Variants in TECTA observed in about 807,000 individuals in gnomAD.
The protein encoded by TECTA is alpha-tectorin.
A neutral mutation model predicts 216.8 loss-of-function variants in TECTA; 128 were observed. The ratio of observed to expected loss-of-function variants is 0.59; its 90% CI spans 0.51 to 0.68. The LOEUF (loss-of-function observed/expected upper bound fraction) is 0.68, where lower values mean the gene tolerates loss of function less well. Ranked by LOEUF, TECTA falls within the 30% of genes least tolerant of loss-of-function variation. The pLI, the probability that TECTA is intolerant of heterozygous loss-of-function variation, is 0.00. For synonymous variants in TECTA, 1,089 were observed against 1,117.1 expected, an observed-to-expected ratio of 0.97 and a Z score of 0.50; for missense variants, 2,551 against 2,786.2, an observed-to-expected ratio of 0.92 and a Z score of 1.90.
chr11:121,123,457 T>C (rs1946578918), intron 7 of TECTA, among the ~76,000 whole-genome samples: 4 of 152,162 alleles, frequency 2.6e-5, no homozygotes, highest in African/African-American at 9.7e-5. Flanking sequence ...GCTTTCATCC[T>C]CATCACCTCC....
chr11:121,129,410 G>A (rs958300271), intron 9 of TECTA, among the ~76,000 whole-genome samples: 1 of 152,192 alleles, frequency 6.6e-6, no homozygotes, highest in Non-Finnish European at 1.5e-5. Context: ...CTAGCTTTGG[G>A]TCCAGAACAC....
At chr11:121,178,043 TG>T (rs1947186793) in intron 20 of TECTA, among the ~76,000 whole-genome samples, 1 of 152,238 alleles carries the variant, frequency 6.6e-6, no homozygotes. Flanking sequence ...AGCGCAGTAT[TG>T]GGGTGGGAGT....
intron 11 of TECTA, among the ~76,000 whole-genome samples, chr11:121,139,774 C>T (rs183107559): frequency 6.6e-5 from 10 of 152,200 alleles, no homozygotes; most frequent in East Asian, 1.9e-4. Flanking sequence ...ACTGCTTCAA[C>T]GATCTGAGAG....
At chr11:121,178,650 T>C (rs562974614) in intron 20 of TECTA, among the ~76,000 whole-genome samples, 3 of 152,146 alleles carry the variant, frequency 2.0e-5, no homozygotes, top group African/African-American at 7.2e-5. Flanking sequence ...TCTTCAGTTT[T>C]TTTTGAAATA....
intron 20 of TECTA, among the ~76,000 whole-genome samples, chr11:121,174,977 G>C (rs973323528): frequency 6.6e-6 from 1 of 152,130 alleles, no homozygotes; most frequent in Non-Finnish European, 1.5e-5. Flanking sequence ...GTTTATTTGC[G>C]TAGAGCTGTT....
At chr11:121,141,711 G>T (rs1399200720) in intron 11 of TECTA, among the ~76,000 whole-genome samples, 1 of 152,160 alleles carries the variant, frequency 6.6e-6, no homozygotes, top group East Asian at 1.9e-4. Context: ...TGCCAGTCAG[G>T]TGGCCATCAG....
Position 121,153,118 on chromosome 11 carries a change from T to C in TECTA, c.4305+38T>C, listed in dbSNP as rs200072784. On this transcript the variant is annotated intron_variant, in intron 13 of 23. Transcript: ENST00000392793. ...AGCCCGGCCTTTTCCTCCTTGCCAA[T>C]GATCAGATTCCTCTCCAACTCTAAG... The C allele has an allele frequency of 1.6e-4, 260 of 1,592,156 alleles. No individual in the cohort carries two copies. In the African/African-American group the frequency reaches 3.3e-3, roughly 20 times the overall value.
chr11:121,139,842 T>C (rs1185512432), intron 11 of TECTA, among the ~76,000 whole-genome samples: 9 of 152,238 alleles, frequency 5.9e-5, no homozygotes, highest in Admixed American at 5.9e-4. Context: ...TTTAGCCACA[T>C]AAGATTTCTA....
At chr11:121,110,396 A>C (rs1272379310) in intron 4 of TECTA, 2 of 152,192 alleles carry the variant, frequency 1.3e-5, no homozygotes, top group Admixed American at 1.3e-4. Context: ...GAGGGGTGGA[A>C]CAAAAACGAC....
In TECTA at chr11:121,137,463, C is replaced by T. The variant is rs752320995; in HGVS notation, c.2984C>T (p.Thr995Ile). ...AACAGCCACTTTGAGGAGTGCATCA[C>T]ATGTACAGAGACCTGTGAGACCCTT... is the stretch of plus-strand genomic sequence containing the variant. ...PENSHFEECI[T>I]CTETCETLTL... The change falls in exon 11 of 24, where the codon ACA becomes ATA. Residue 995 changes from threonine to isoleucine, a missense_variant. This residue lies in a region of TECTA where 2,375 missense variants were observed against 2,563.9 expected (regional missense o/e 0.93). Transcript: ENST00000392793. 1.2e-6 allele frequency: 2 copies of T among 1,614,004 alleles called. No homozygotes were observed. Among genetic ancestry groups the T allele is most frequent in the Non-Finnish European group, 1.7e-6 (2 of 1,180,018 alleles).
At chr11:121,112,960 C>A (rs140674188) in intron 4 of TECTA, 112 bp from the exon 5 acceptor site, 2 of 1,365,808 alleles carry the variant, frequency 1.5e-6, no homozygotes, top group Non-Finnish European at 2.0e-6. Context: ...GGCTGCAGAG[C>A]AGCTCTGAGC....
Position 121,128,120 on chromosome 11 carries a change from C to T in TECTA, c.2143C>T (p.Leu715Phe), listed in dbSNP as rs776008108. 1 of 1,613,066 alleles carries T rather than the reference C, an allele frequency of 6.2e-7. No individual in the cohort carries two copies. The highest frequency in any genetic ancestry group is 8.5e-7 in the Non-Finnish European group (1 of 1,179,988). The change falls in exon 9 of 24, where the codon CTC becomes TTC. Residue 715 changes from leucine to phenylalanine, a missense_variant. Physicochemically the swap from Leu to Phe is conservative, Grantham distance 22 (BLOSUM62 0). Coordinates refer to ENST00000392793, the MANE Select transcript of TECTA (RefSeq NM_005422.4). ...CFPKRETVCL[L>F]SQNQVLHTFD... Reference sequence around the variant, plus strand: ...CCCCAAGCGGGAGACCGTGTGCCTGCTCAGCCAGAACCAGGTGCTGCACAC... The same window carrying T: ...CCCCAAGCGGGAGACCGTGTGCCTGTTCAGCCAGAACCAGGTGCTGCACAC...
intron 11 of TECTA, among the ~76,000 whole-genome samples, chr11:121,141,567 T>G (rs933316721): frequency 6.6e-6 from 1 of 152,180 alleles, no homozygotes; most frequent in Admixed American, 6.5e-5. Context: ...ATCTCAGCCA[T>G]CCACAGCCAG....
Position 121,157,885 on chromosome 11 carries a change from C to T in TECTA, c.4350C>T (p.Arg1450=), listed in dbSNP as rs529744148. ...FWNSDCTRRC[R]CFRRNVIQCD... is the part of the protein sequence containing the mutation. ...ACAGCGACTGCACGCGGCGCTGCCG[C>T]TGTTTCCGTCGCAACGTGATTCAGT... is the stretch of plus-strand genomic sequence containing the variant. The change falls in exon 14 of 24, where the codon CGC becomes CGT. Residue 1450 remains arginine (R), a synonymous_variant. Coordinates refer to ENST00000392793, the MANE Select transcript of TECTA (RefSeq NM_005422.4). The T allele has an allele frequency of 2.5e-6, 4 of 1,614,266 alleles. No homozygotes were observed. In the East Asian group the frequency reaches 8.9e-5, roughly 36 times the overall value.
chr11:121,152,975 C>G lies in TECTA; in HGVS notation c.4200C>G (p.His1400Gln). 6.2e-7 allele frequency: 1 copy of G among 1,614,194 alleles called. No individual in the cohort carries two copies. The highest frequency in any genetic ancestry group is 8.5e-7 in the Non-Finnish European group (1 of 1,180,026). The change falls in exon 13 of 24, where the codon CAC becomes CAG. Residue 1400 changes from histidine (H) to glutamine (Q), a missense_variant. By Grantham distance (24) the His-to-Gln change is conservative. Around this residue, in one of 3 missense-constraint regions of TECTA, gnomAD observed 2,375 missense variants for 2,563.9 expected, o/e 0.93. Coordinates refer to ENST00000392793, the MANE Select transcript of TECTA (RefSeq NM_005422.4). ...AAIRLKSDCS[H>Q]YCVEGCHCDA... ...TCCGCCTGAAGAGTGACTGCAGCCA[C>G]TACTGCGTGGAGGGCTGTCACTGCG...
At chr11:121,156,877 G>A (rs1946946716) in intron 13 of TECTA, among the ~76,000 whole-genome samples, 1 of 152,132 alleles carries the variant, frequency 6.6e-6, no homozygotes, top group African/African-American at 2.4e-5. Context: ...GATGGCACAG[G>A]TGGGGATACA....
At chr11:121,131,864 G>A (rs185819899) in intron 10 of TECTA, among the ~76,000 whole-genome samples, 1 of 152,318 alleles carries the variant, frequency 6.6e-6, no homozygotes, top group Non-Finnish European at 1.5e-5. Flanking sequence ...TACCACAAAA[G>A]CAATGATGCG....
Position 121,149,386 on chromosome 11 carries a change from C to T in TECTA, c.4105+3270C>T, listed in dbSNP as rs73583180. Among the ~76,000 whole-genome samples the T allele has an allele frequency of 9.7e-3, 1,471 of 152,326 alleles. 21 individuals are homozygous for T. The highest frequency in any genetic ancestry group is 0.034 in the African/African-American group (1,403 of 41,572). On this transcript the variant is annotated intron_variant, in intron 12 of 23. Coordinates refer to ENST00000392793, the MANE Select transcript of TECTA (RefSeq NM_005422.4). The stretch of plus-strand genomic sequence containing the variant: ...GATTTGTCTTACATATTTCTCCATA[C>T]ATCTAATAAATTCCTGTTGAATAAT...
intron 7 of TECTA, among the ~76,000 whole-genome samples, chr11:121,122,473 A>G (rs1388952687): frequency 6.6e-6 from 1 of 152,150 alleles, no homozygotes; most frequent in Non-Finnish European, 1.5e-5. Context: ...ATTTTGCTCT[A>G]GCAGCCCAAA....
Sources: allele counts gnomAD v4.1 joint callset (sites outside exome capture counted in the v4.1 genomes callset), GRCh38; gene constraint gnomAD v4.1.1; regional missense constraint gnomAD v4.1.1; transcripts MANE v1.5; gene names NCBI Gene and HGNC (gene_info 2026-07-23, HGNC 2026-07-21).